Variants in APOL4 observed in about 807,000 individuals in gnomAD.
The protein encoded by APOL4 is apolipoprotein L4.
APOL4 carries 14 observed loss-of-function variants against 12.1 expected under a neutral mutation model. The observed-to-expected ratio is 1.16, with a 90% CI of 0.76 to 1.81. The LOEUF is 1.81. Ranked by LOEUF, APOL4 falls within the 40% of genes most tolerant of loss-of-function variation. The pLI, the probability that APOL4 is intolerant of heterozygous loss-of-function variation, is 0.00. For synonymous variants in APOL4, 171 were observed against 160.6 expected, an observed-to-expected ratio of 1.06 and a Z score of -0.49; for missense variants, 432 against 423.1, an observed-to-expected ratio of 1.02 and a Z score of -0.18.
In APOL4 at chr22:36,191,153, C is replaced by T. The variant is rs375321334; in HGVS notation, c.969G>A (p.Ser323=). 1.4e-4 allele frequency: 232 copies of T among 1,612,170 alleles called. No individual in the cohort carries two copies. In the Middle Eastern group the frequency reaches 1.5e-3, roughly 10 times the overall value. Residue 323 remains serine (S), a synonymous_variant, in exon 4 of 4, where the codon TCG becomes TCA. Coordinates refer to ENST00000683024, the MANE Select transcript of APOL4 (RefSeq NM_001386885.1). ...HKGAKSESAE[S]LRQWAQELEE... ...CCAGCTCCTGAGCCCACTGCCTCAGCGACTCAGCAGACTCGGATTTTGCCC... is the reference window on the plus strand; with the variant it reads ...CCAGCTCCTGAGCCCACTGCCTCAGTGACTCAGCAGACTCGGATTTTGCCC...
rs977121186 is a variant in APOL4, at chr22:36,197,775, G to C, written c.82+1555C>G. The C allele has an allele frequency of 3.2e-6, 5 of 1,550,368 alleles. No individual in the cohort carries two copies. In the African/African-American group the frequency reaches 6.8e-5, roughly 21 times the overall value. ...GCAGCAGGTTCACATAATGGACACA[G>C]AAGGAGCTGCTGTAACCAGCTGTAG... On this transcript the variant is annotated intron_variant, in intron 2 of 3. Coordinates refer to ENST00000683024, the MANE Select transcript of APOL4 (RefSeq NM_001386885.1).
At chr22:36,197,422 A>C in intron 2 of APOL4, 1 of 536,856 alleles carries the variant, frequency 1.9e-6, no homozygotes, top group Non-Finnish European at 2.9e-6. Flanking sequence ...CACCAAAAGG[A>C]GGAAGGAAAC....
upstream of APOL4, chr22:36,204,562 T>A (rs888364671): frequency 1.4e-5 from 4 of 281,342 alleles, no homozygotes; most frequent in African/African-American, 9.0e-5. Context: ...AGCTGAATGA[T>A]CCTTCCCTCA....
In APOL4 at chr22:36,191,761, C is replaced by G; in HGVS notation, c.361G>C (p.Glu121Gln). ...TCATTTGCAATGACACGAAGCCTTT[C>G]TATGGACTCCTGAATCTTCCATCTG... ...QIRWKIQESI[E>Q]RLRVIANEIE... The change falls in exon 4 of 4, where the codon GAA (glutamate) becomes CAA (glutamine). Residue 121 changes from glutamate (E) to glutamine (Q), a missense_variant. Transcript: ENST00000683024. 1 of 1,613,760 alleles carries G rather than the reference C, an allele frequency of 6.2e-7. No homozygotes were observed. The highest frequency in any genetic ancestry group is 8.5e-7 in the Non-Finnish European group (1 of 1,179,828).
upstream of APOL4, chr22:36,201,959 T>G: frequency 1.2e-6 from 2 of 1,613,790 alleles, no homozygotes; most frequent in Non-Finnish European, 1.7e-6. Context: ...CAGGGAGCCC[T>G]CCCTCCCACC....
upstream of APOL4, among the ~76,000 whole-genome samples, chr22:36,203,695 A>T (rs5995249): frequency 6.6e-6 from 1 of 151,956 alleles, no homozygotes; most frequent in African/African-American, 2.4e-5. Flanking sequence ...TAGAAGAGCC[A>T]CGGCAAGATG....
At chr22:36,192,560 A>G (rs2014290021) in intron 3 of APOL4, among the ~76,000 whole-genome samples, 2 of 152,174 alleles carry the variant, frequency 1.3e-5, no homozygotes, top group Admixed American at 1.3e-4. Context: ...AAAAACAAAG[A>G]GAAGTGGGTT....
chr22:36,192,641 T>C (rs772919827), intron 3 of APOL4, among the ~76,000 whole-genome samples: 2 of 152,128 alleles, frequency 1.3e-5, no homozygotes, highest in Non-Finnish European at 2.9e-5. Context: ...AGAGAGCATA[T>C]CCCTTTGTCC....
At chr22:36,199,266 G>A (rs2014499411) in intron 2 of APOL4, 64 bp downstream of exon 2, 6 of 1,596,280 alleles carry the variant, frequency 3.8e-6, no homozygotes, top group Non-Finnish European at 5.2e-6. Flanking sequence ...TTCTAGCTGT[G>A]GGTAGGAACC....
chr22:36,198,581 G>T (rs2014478784), intron 2 of APOL4, among the ~76,000 whole-genome samples: 1 of 152,190 alleles, frequency 6.6e-6, no homozygotes, highest in Non-Finnish European at 1.5e-5. Context: ...ACACAGCTCG[G>T]GAAGGGGGTG....
At chr22:36,204,347 C>T (rs1279011220), upstream of APOL4, among the ~76,000 whole-genome samples, 1 of 152,130 alleles carries the variant, frequency 6.6e-6, no homozygotes, top group East Asian at 1.9e-4. Context: ...GTCACCTGGC[C>T]ATGTCTCAGC....
chr22:36,204,544 T>C (rs896976377), upstream of APOL4: 4 of 247,796 alleles, frequency 1.6e-5, no homozygotes, highest in Non-Finnish European at 3.1e-5. Flanking sequence ...TCCGAGCTTA[T>C]CTACAAAAGC....
chr22:36,199,396 A>G lies in APOL4; in HGVS notation c.36-20T>C. The G allele has an allele frequency of 6.2e-7, 1 of 1,614,006 alleles. No individual in the cohort carries two copies. The highest frequency in any genetic ancestry group is 1.3e-5 in the African/African-American group (1 of 75,048). ...TGCACCCTTGAGGAAGAGAAAACAA[A>G]TTGTGGGATTGAATGTGAGCCACCT... On this transcript the variant is annotated intron_variant, in intron 1 of 3. Coordinates refer to ENST00000683024, the MANE Select transcript of APOL4 (RefSeq NM_001386885.1).
chr22:36,203,732 A>G (rs1388270649), upstream of APOL4, among the ~76,000 whole-genome samples: 1 of 152,212 alleles, frequency 6.6e-6, no homozygotes, highest in Non-Finnish European at 1.5e-5. Context: ...TAGCTTGTCC[A>G]TATGGACAGG....
upstream of APOL4, among the ~76,000 whole-genome samples, chr22:36,203,747 C>T (rs1363110062): frequency 6.6e-6 from 1 of 152,198 alleles, no homozygotes; most frequent in Non-Finnish European, 1.5e-5. Flanking sequence ...GACAGGCGCC[C>T]CCCTGCATCC....
chr22:36,195,557 T>G, intron 2 of APOL4, 120 bp from the exon 3 acceptor site: 1 of 1,160,442 alleles, frequency 8.6e-7, no homozygotes, highest in Non-Finnish European at 1.2e-6. Flanking sequence ...GTATTTTTGA[T>G]GGAGGCACCA....
At position 36,189,914 on chromosome 22, in the gene APOL4, C is replaced by A; in HGVS notation, c.*1161G>T. The A allele has an allele frequency of 5.4e-6, 1 of 183,696 alleles. No individual in the cohort carries two copies. Among genetic ancestry groups the A allele is most frequent in the Non-Finnish European group, 1.2e-5 (1 of 85,202 alleles). The allele number at this position is 183,696 out of a possible 1,614,324, so 11.4% of individuals were successfully genotyped here. On this transcript the variant is annotated 3_prime_UTR_variant, in exon 4 of 4. Coordinates refer to ENST00000683024, the MANE Select transcript of APOL4 (RefSeq NM_001386885.1). The stretch of plus-strand genomic sequence containing the variant: ...ACTTTACCTCGCCCTCTTTATTCCC[C>A]TAAAAAATGTCTGCGTTTTGTCCCG...
At chr22:36,193,526 G>C (rs575389797) in intron 3 of APOL4, among the ~76,000 whole-genome samples, 1 of 152,234 alleles carries the variant, frequency 6.6e-6, no homozygotes, top group South Asian at 2.1e-4. Flanking sequence ...CTTTCCCTGT[G>C]ATAAACCACA....
upstream of APOL4, chr22:36,202,004 G>A (rs780822168): frequency 1.1e-5 from 17 of 1,614,012 alleles, no homozygotes; most frequent in Middle Eastern, 1.6e-4. Context: ...AGATGCAGAC[G>A]ACAAAGATTT....
Sources: gnomAD v4.1 joint callset for allele counts (sites outside exome capture counted in the v4.1 genomes callset) on GRCh38, gnomAD v4.1.1 for gene constraint, MANE v1.5 for transcripts, NCBI Gene and HGNC (gene_info 2026-07-23, HGNC 2026-07-21) for gene names.